Variants in MAPK4 observed in about 807,000 individuals in gnomAD.
MAPK4 encodes the protein mitogen-activated protein kinase 4.
A neutral mutation model predicts 47.7 loss-of-function variants in MAPK4; 22 were observed. The observed-to-expected ratio is 0.46, with a 90% CI of 0.33 to 0.66. MAPK4 has a LOEUF of 0.66. Ranked by LOEUF, MAPK4 falls within the 30% of genes least tolerant of loss-of-function variation. The pLI, the probability that MAPK4 is intolerant of heterozygous loss-of-function variation, is 0.02. For missense variants in MAPK4, 736 were observed against 831.7 expected, an observed-to-expected ratio of 0.88 and a Z score of 1.42; for synonymous variants, 390 against 365.7, an observed-to-expected ratio of 1.07 and a Z score of -0.76.
At chr18:50,564,836 G>A (rs996984246) in intron 1 of MAPK4, among the ~76,000 whole-genome samples, 2 of 152,200 alleles carry the variant, frequency 1.3e-5, no homozygotes, top group Admixed American at 6.5e-5. Flanking sequence ...GTAACCACCA[G>A]TCGGGAAGGA....
rs138718957 is a variant in MAPK4, at chr18:50,644,834, C to T, written c.-870-18255C>T. On this transcript the variant is annotated intron_variant, in intron 1 of 5. Transcript: ENST00000400384. ...GCAGAGAAAGAAAAGGAACAGCAAGCGACCTTGGAACCAGGCCGATAGATG... is the reference window on the plus strand; with the variant it reads ...GCAGAGAAAGAAAAGGAACAGCAAGTGACCTTGGAACCAGGCCGATAGATG... Among the ~76,000 whole-genome samples, 234 of 152,278 alleles carry T rather than the reference C, an allele frequency of 1.5e-3. 2 individuals are homozygous for T. The highest frequency in any genetic ancestry group is 3.3e-3 in the South Asian group (16 of 4,824).
intron 2 of MAPK4, among the ~76,000 whole-genome samples, chr18:50,703,433 G>C (rs35406563): frequency 0.42 from 63,419 of 152,110 alleles, 15,292 homozygotes; most frequent in Non-Finnish European, 0.54. Context: ...AGCATCTTCT[G>C]TCTGCAGGCA....
intron 1 of MAPK4, among the ~76,000 whole-genome samples, chr18:50,647,200 T>C (rs1176885234): frequency 4.6e-5 from 7 of 152,262 alleles, no homozygotes; most frequent in African/African-American, 1.7e-4. Context: ...TTGATTTTAT[T>C]GCTATCCATG....
At chr18:50,634,586 A>C (rs1453606332) in intron 1 of MAPK4, among the ~76,000 whole-genome samples, 1 of 152,194 alleles carries the variant, frequency 6.6e-6, no homozygotes, top group Non-Finnish European at 1.5e-5. Context: ...AGTGGGGATC[A>C]ACTGTCATCC....
chr18:50,595,102 G>T (rs2042470523), intron 1 of MAPK4, among the ~76,000 whole-genome samples: 1 of 152,198 alleles, frequency 6.6e-6, no homozygotes, highest in African/African-American at 2.4e-5. Flanking sequence ...TAGAGTACTG[G>T]TGGGAGTATA....
intron 1 of MAPK4, among the ~76,000 whole-genome samples, chr18:50,571,208 T>G (rs1481639843): frequency 6.6e-6 from 1 of 152,180 alleles, no homozygotes; most frequent in Non-Finnish European, 1.5e-5. Context: ...ACCCTGCGGA[T>G]TTTTAATTTC....
intron 1 of MAPK4, among the ~76,000 whole-genome samples, chr18:50,574,431 GTATT>G (rs1400449291): frequency 1.3e-5 from 2 of 152,186 alleles, no homozygotes; most frequent in African/African-American, 4.8e-5. Flanking sequence ...ATCATCGAGA[GTATT>G]TATTCTCTTG....
At chr18:50,698,972 T>C (rs1248316901) in intron 2 of MAPK4, among the ~76,000 whole-genome samples, 2 of 151,694 alleles carry the variant, frequency 1.3e-5, no homozygotes. Context: ...CTGCAGTGAG[T>C]CAAGATCGTG....
intron 1 of MAPK4, among the ~76,000 whole-genome samples, chr18:50,591,908 A>G (rs1298948421): frequency 1.3e-5 from 2 of 152,100 alleles, no homozygotes; most frequent in East Asian, 3.9e-4. Context: ...TAAGCACCTC[A>G]TGAAGTACTG....
chr18:50,711,850 T>G (rs1429938735), intron 2 of MAPK4, among the ~76,000 whole-genome samples: 1 of 149,626 alleles, frequency 6.7e-6, no homozygotes, highest in Non-Finnish European at 1.5e-5. Flanking sequence ...TGTAGAAAAT[T>G]ATCCTGAATT....
intron 1 of MAPK4, among the ~76,000 whole-genome samples, chr18:50,644,883 G>A (rs761598489): frequency 5.3e-5 from 8 of 152,164 alleles, no homozygotes; most frequent in Non-Finnish European, 1.2e-4. Flanking sequence ...TGCATAAGAC[G>A]TGCTATTCCC....
rs145375028 is a variant in MAPK4, at chr18:50,621,285, A to T, written c.-870-41804A>T. On this transcript the variant is annotated intron_variant, in intron 1 of 5. Transcript: ENST00000400384. ...TGGCCTGCAGCTCTTCATCCCCATG[A>T]AGAAGGGAGAACTACACAGGAAACA... Among the ~76,000 whole-genome samples, 1,422 of 152,174 alleles carry T rather than the reference A, an allele frequency of 9.3e-3. 22 individuals carry two copies. The highest frequency in any genetic ancestry group is 0.032 in the African/African-American group (1,340 of 41,504).
At chr18:50,647,400 A>AG (rs1301231217) in intron 1 of MAPK4, among the ~76,000 whole-genome samples, 2 of 152,204 alleles carry the variant, frequency 1.3e-5, no homozygotes, top group Non-Finnish European at 2.9e-5. Context: ...GTTTTGGTAA[A>AG]CAACCCAGAT....
rs569995094 is a variant in MAPK4, at chr18:50,634,432, G to A, written c.-870-28657G>A. On this transcript the variant is annotated intron_variant, in intron 1 of 5. Coordinates refer to ENST00000400384, the MANE Select transcript of MAPK4 (RefSeq NM_002747.4). ...TCTGAGTGGTCCATTGTCAGGACTG[G>A]GAAACGGTAGCCGAACACGAGTAGT... Among the ~76,000 whole-genome samples the A allele has an allele frequency of 3.3e-5, 5 of 152,134 alleles. No homozygotes were observed. In the South Asian group the frequency reaches 1.0e-3, roughly 32 times the overall value.
intron 1 of MAPK4, among the ~76,000 whole-genome samples, chr18:50,610,724 G>A (rs1047333663): frequency 1.3e-5 from 2 of 152,172 alleles, no homozygotes; most frequent in African/African-American, 4.8e-5. Flanking sequence ...ATAAAACGAT[G>A]AGACTGAACA....
intron 2 of MAPK4, among the ~76,000 whole-genome samples, chr18:50,683,303 G>A (rs1187220278): frequency 6.6e-6 from 1 of 151,860 alleles, no homozygotes; most frequent in Non-Finnish European, 1.5e-5. Context: ...TATTTTTTTA[G>A]TAGAGACGGG....
chr18:50,584,237 C>T (rs920880747), intron 1 of MAPK4, among the ~76,000 whole-genome samples: 2 of 152,158 alleles, frequency 1.3e-5, no homozygotes, highest in Non-Finnish European at 2.9e-5. Context: ...TGTCCAAGCC[C>T]TTTATGTCTC....
chr18:50,640,077 T>G (rs115496689), intron 1 of MAPK4, among the ~76,000 whole-genome samples: 2,640 of 152,336 alleles, frequency 0.017, 80 homozygotes, highest in African/African-American at 0.06. Context: ...ACTGTGAGCA[T>G]AGACCAGTGT....
Position 50,729,210 on chromosome 18 carries a change from G to A in MAPK4, c.1120G>A (p.Asp374Asn). 6.3e-7 allele frequency: 1 copy of A among 1,599,206 alleles called. No homozygotes were observed. Among genetic ancestry groups the A allele is most frequent in the Non-Finnish European group, 8.6e-7 (1 of 1,168,752 alleles). Reference protein sequence around the residue: ...DLEWRPDRCQDASEVQRDPRA... With the variant: ...DLEWRPDRCQNASEVQRDPRA... Reference sequence around the variant, plus strand: ...GGAGTGGCGGCCTGACCGGTGCCAGGACGCCAGCGAGGTACAGCGCGACCC... The same window carrying A: ...GGAGTGGCGGCCTGACCGGTGCCAGAACGCCAGCGAGGTACAGCGCGACCC... Residue 374 changes from aspartate to asparagine, a missense_variant, in exon 6 of 6, where the codon GAC becomes AAC. This residue lies in a region of MAPK4 where 377 missense variants were observed against 378.6 expected (regional missense o/e 1.00). Coordinates refer to ENST00000400384, the MANE Select transcript of MAPK4 (RefSeq NM_002747.4).
Sources: allele counts gnomAD v4.1 joint callset (sites outside exome capture counted in the v4.1 genomes callset), GRCh38; gene constraint gnomAD v4.1.1; regional missense constraint gnomAD v4.1.1; transcripts MANE v1.5; gene names NCBI Gene and HGNC (gene_info 2026-07-23, HGNC 2026-07-21).